The following ZNF782 variants were observed in gnomAD, a reference collection of about 807,000 sequenced individuals.
ZNF782 encodes zinc finger protein 782.
A neutral mutation model predicts 13.0 loss-of-function variants in ZNF782; 12 were observed. That is an observed-to-expected ratio of 0.92 (90% confidence interval 0.59 to 1.50). The LOEUF (loss-of-function observed/expected upper bound fraction) is 1.50. Ranked by LOEUF, ZNF782 falls within the 40% of genes most tolerant of loss-of-function variation. ZNF782 has a pLI of 0.00. For missense variants in ZNF782, 770 were observed against 822.9 expected (o/e 0.94, Z 0.79); for synonymous variants, 284 against 283.0 (o/e 1.00, Z -0.04).
At chr9:96,854,924 A>C (rs1199322588), upstream of ZNF782, among the ~76,000 whole-genome samples, 1 of 152,174 alleles carries the variant, frequency 6.6e-6, no homozygotes, top group East Asian at 1.9e-4. Context: ...TTTTTTTTAA[A>C]AAAAGGGATC....
chr9:96,843,596 T>C (rs1194574299), intron 4 of ZNF782, among the ~76,000 whole-genome samples: 4 of 152,200 alleles, frequency 2.6e-5, no homozygotes, highest in African/African-American at 7.2e-5. Flanking sequence ...TTCTGAATTG[T>C]AACTGTGGTG....
chr9:96,848,586 C>A (rs1439360262), intron 3 of ZNF782, among the ~76,000 whole-genome samples: 2 of 151,924 alleles, frequency 1.3e-5, no homozygotes, highest in Non-Finnish European at 2.9e-5. Context: ...AATAACACCA[C>A]CACCACCAAA....
At chr9:96,832,758 T>A (rs1041765216) in intron 4 of ZNF782, among the ~76,000 whole-genome samples, 2 of 152,196 alleles carry the variant, frequency 1.3e-5, no homozygotes, top group African/African-American at 4.8e-5. Flanking sequence ...TTTCTTTATC[T>A]TTAGTTGTCA....
chr9:96,891,712 C>T, the ZNF782 span: 1 of 152,182 alleles, frequency 6.6e-6, no homozygotes. Context: ...GTGCCCACCA[C>T]CACGCCTGGC....
the ZNF782 span, among the ~76,000 whole-genome samples, chr9:96,913,482 C>A: frequency 6.6e-6 from 1 of 151,896 alleles, no homozygotes; most frequent in East Asian, 1.9e-4. Context: ...ATCTTCCTAG[C>A]TTGACAAATG....
At chr9:96,851,845 A>C in intron 3 of ZNF782, 102 bp downstream of exon 3, 1 of 1,212,888 alleles carries the variant, frequency 8.2e-7, no homozygotes, top group Non-Finnish European at 1.2e-6. Flanking sequence ...TTTTCCCTCA[A>C]GATTTACTTA....
chr9:96,840,911 C>G (rs1357644986), intron 4 of ZNF782, among the ~76,000 whole-genome samples: 1 of 151,630 alleles, frequency 6.6e-6, no homozygotes. Flanking sequence ...GAGTAGAAAT[C>G]AACTAAATTA....
intron 5 of ZNF782, among the ~76,000 whole-genome samples, chr9:96,821,710 C>CA (rs1169249116): frequency 1.3e-5 from 2 of 149,270 alleles, no homozygotes; most frequent in African/African-American, 4.9e-5. Flanking sequence ...CTTGATCTGT[C>CA]ACCCAGGCTG....
At chr9:96,881,002 T>C in the ZNF782 span, among the ~76,000 whole-genome samples, 12,133 of 152,198 alleles carry the variant, frequency 0.08, 1,478 homozygotes, top group African/African-American at 0.27. Flanking sequence ...TTGGTGAGTC[T>C]TCTTCGTGTT....
rs1325286990 is a variant in ZNF782, at chr9:96,852,833, A to G, written c.-45+20T>C. On this transcript the variant is annotated intron_variant, in intron 2 of 5. Coordinates refer to ENST00000481138, the MANE Select transcript of ZNF782 (RefSeq NM_001001662.3). ...TATTTCTCAAAAGGCCCTTTGGATA[A>G]GATGCTTTTGGTGACTCACCTGTGA... 1 of 152,684 alleles carries G rather than the reference A, an allele frequency of 6.5e-6. No homozygotes were observed. The highest frequency in any genetic ancestry group is 1.5e-5 in the Non-Finnish European group (1 of 68,052). 9.5% of individuals were successfully genotyped at this position (152,684 alleles called of 1,614,324 possible).
intron 4 of ZNF782, among the ~76,000 whole-genome samples, chr9:96,836,831 T>G (rs1362571827): frequency 6.6e-6 from 1 of 152,126 alleles, no homozygotes; most frequent in Non-Finnish European, 1.5e-5. Flanking sequence ...AATAGATTAT[T>G]TCTTGTGAGA....
the ZNF782 span, among the ~76,000 whole-genome samples, chr9:96,896,313 C>T: frequency 1.3e-5 from 2 of 152,168 alleles, no homozygotes; most frequent in Non-Finnish European, 2.9e-5. Context: ...CTCTCCAGCC[C>T]TATGTCATAA....
chr9:96,907,562 T>C, the ZNF782 span, among the ~76,000 whole-genome samples: 1 of 152,286 alleles, frequency 6.6e-6, no homozygotes, highest in African/African-American at 2.4e-5. Context: ...TGGGTCCCAT[T>C]CTGTTCCATT....
chr9:96,853,913 G>A (rs935485350), intron 1 of ZNF782, among the ~76,000 whole-genome samples, 175 bp downstream of exon 1: 1 of 152,226 alleles, frequency 6.6e-6, no homozygotes, highest in Non-Finnish European at 1.5e-5. Context: ...GCAGCAGTCC[G>A]CTCATGGCTT....
chr9:96,899,831 CCT>C, the ZNF782 span, among the ~76,000 whole-genome samples: 1 of 151,990 alleles, frequency 6.6e-6, no homozygotes, highest in Admixed American at 6.6e-5. Flanking sequence ...ACAGGGTCTT[CCT>C]CTGTCTCCCA....
the ZNF782 span, among the ~76,000 whole-genome samples, chr9:96,917,887 CGTGTGT>C: frequency 1.1e-3 from 129 of 121,710 alleles, 1 homozygote; most frequent in South Asian, 3.4e-3. Context: ...CCACCCTTGG[CGTGTGT>C]GTGTGTGTGT....
upstream of ZNF782, among the ~76,000 whole-genome samples, chr9:96,858,643 A>G (rs1009144566): frequency 6.6e-6 from 1 of 152,200 alleles, no homozygotes; most frequent in Non-Finnish European, 1.5e-5. The surrounding 1 kb of genome is among the most constrained non-coding windows in gnomAD (Gnocchi z 4.4). Context: ...GCTTAGGAAA[A>G]TATGAAGGAA....
chr9:96,835,196 C>T (rs1208900694), intron 4 of ZNF782, among the ~76,000 whole-genome samples: 3 of 152,128 alleles, frequency 2.0e-5, no homozygotes, highest in Non-Finnish European at 4.4e-5. Flanking sequence ...CAGCAAAGTG[C>T]TCAAGAAGTG....
At chr9:96,856,734 C>A (rs573191092), upstream of ZNF782, among the ~76,000 whole-genome samples, 13,195 of 152,158 alleles carry the variant, frequency 0.087, 1,459 homozygotes, top group African/African-American at 0.26. Flanking sequence ...CATGAGTAAC[C>A]CTGCTTAGCA....
Sources: gnomAD v4.1 joint callset for allele counts (sites outside exome capture counted in the v4.1 genomes callset) on GRCh38, gnomAD v4.1.1 for gene constraint, Gnocchi (gnomAD v3.1) non-coding constraint, MANE v1.5 for transcripts, NCBI Gene and HGNC (gene_info 2026-07-23, HGNC 2026-07-21) for gene names.